The following ABL2 variants were observed in gnomAD, a reference collection of about 807,000 sequenced individuals.
ABL2 encodes tyrosine-protein kinase ABL2.
A neutral mutation model predicts 107.7 loss-of-function variants in ABL2; 49 were observed. The observed-to-expected ratio is 0.45, with a 90% CI of 0.36 to 0.58. The LOEUF (loss-of-function observed/expected upper bound fraction) is 0.58. ABL2 is among the 20% of genes least tolerant of loss of function. ABL2 has a pLI of 0.00. For missense variants in ABL2, 1,245 were observed against 1,457.0 expected (o/e 0.85, Z 2.37); for synonymous variants, 549 against 548.6 (o/e 1.00, Z -0.01).
chr1:179,214,543 T>C (rs1662458178), intron 1 of ABL2, among the ~76,000 whole-genome samples: 1 of 146,080 alleles, frequency 6.8e-6, no homozygotes, highest in South Asian at 2.1e-4. Context: ...TATATATATA[T>C]ATATATATGA....
intron 1 of ABL2, among the ~76,000 whole-genome samples, chr1:179,223,344 T>C (rs544954176): frequency 2.2e-4 from 33 of 151,318 alleles, no homozygotes; most frequent in African/African-American, 7.0e-4. Context: ...AGCCAGGAGT[T>C]TGAGGCTGCA....
chr1:179,143,763 C>G (rs1657793701), intron 1 of ABL2, among the ~76,000 whole-genome samples: 1 of 152,212 alleles, frequency 6.6e-6, no homozygotes, highest in South Asian at 2.1e-4. Context: ...GTGGCGCGAT[C>G]TCGGCTCACT....
rs1653553976 is a variant in ABL2 at position 179,107,599 on chromosome 1, T to C, written c.*119A>G. On this transcript the variant is annotated 3_prime_UTR_variant, in exon 12 of 12. Coordinates refer to ENST00000502732, the MANE Select transcript of ABL2 (RefSeq NM_007314.4). ...GTGAGAACTCAGGGATCTGAGGTACTTCACATAAACACACTCAAGTATGAG... is the reference window on the plus strand; with the variant it reads ...GTGAGAACTCAGGGATCTGAGGTACCTCACATAAACACACTCAAGTATGAG... 3 of 1,495,918 alleles carry C rather than the reference T, an allele frequency of 2.0e-6. No individual in the cohort carries two copies. The highest frequency in any genetic ancestry group is 8.9e-7 in the Non-Finnish European group (1 of 1,126,224). The allele number at this position is 1,495,918 out of a possible 1,614,324, so 92.7% of individuals were successfully genotyped here.
chr1:179,125,596 C>T (rs1427552639), intron 4 of ABL2, among the ~76,000 whole-genome samples: 2 of 152,136 alleles, frequency 1.3e-5, no homozygotes, highest in Admixed American at 6.6e-5. Context: ...TAAAAATTTA[C>T]TTATTTTCTA....
intron 1 of ABL2, among the ~76,000 whole-genome samples, chr1:179,142,368 T>C (rs1220968990): frequency 2.0e-5 from 3 of 152,176 alleles, no homozygotes; most frequent in South Asian, 2.1e-4. Flanking sequence ...ATTATCATGA[T>C]TGAAAAAGTT....
chr1:179,171,515 C>A (rs114921739), intron 1 of ABL2, among the ~76,000 whole-genome samples: 1 of 152,224 alleles, frequency 6.6e-6, no homozygotes, highest in Non-Finnish European at 1.5e-5. Context: ...CTTTTAAAGA[C>A]ACAGGGTCTC....
rs1361469758 is a variant in ABL2, at chr1:179,162,438, A to G, written c.158-29064T>C. ...CTTCTCTACTAAAAATACAAAAATT[A>G]GCCGGGCATGGTGGTACACGTCTGT... is the stretch of plus-strand genomic sequence containing the variant. On this transcript the variant is annotated intron_variant, in intron 1 of 11. Transcript: ENST00000502732. 3.3e-5 allele frequency among the ~76,000 whole-genome samples: 5 copies of G among 152,090 alleles called. No individual in the cohort carries two copies. In the East Asian group the frequency reaches 9.6e-4, roughly 29 times the overall value.
intron 1 of ABL2, among the ~76,000 whole-genome samples, chr1:179,181,321 A>G (rs1192480545): frequency 1.3e-5 from 2 of 152,230 alleles, no homozygotes; most frequent in Non-Finnish European, 1.5e-5. Flanking sequence ...ATATTTGTCA[A>G]AAGTTTCAAC....
intron 1 of ABL2, among the ~76,000 whole-genome samples, chr1:179,216,625 A>G (rs1662575661): frequency 6.6e-6 from 1 of 152,232 alleles, no homozygotes; most frequent in Non-Finnish European, 1.5e-5. Context: ...AAATTTTTTA[A>G]AAATTCTCCT....
At chr1:179,224,900 C>T (rs1212736548) in intron 1 of ABL2, among the ~76,000 whole-genome samples, 2 of 151,268 alleles carry the variant, frequency 1.3e-5, no homozygotes, top group African/African-American at 4.9e-5. Flanking sequence ...ATGGCGTGTG[C>T]CTGTAGTCTC....
rs1313396341 is a variant in ABL2 at position 179,121,671 on chromosome 1, C to T, written c.884G>A (p.Gly295Glu). 1 of 1,614,034 alleles carries T rather than the reference C, an allele frequency of 6.2e-7. No individual in the cohort carries two copies. Among genetic ancestry groups the T allele is most frequent in the Non-Finnish European group, 8.5e-7 (1 of 1,180,044 alleles). Residue 295 changes from glycine to glutamate, a missense_variant, in exon 5 of 12, where the codon GGG becomes GAG. Gly to Glu is a moderately conservative substitution (Grantham distance 98). This residue lies in a region of ABL2 where 320 missense variants were observed against 547.0 expected (regional missense o/e 0.59). Transcript: ENST00000502732. ...RTDITMKHKL[G>E]GGQYGEVYVG... is the part of the protein sequence containing the mutation. ...GTAAACCTCTCCATACTGACCGCCCCCAAGTTTGTGCTTCATGGTAATATC... is the reference window on the plus strand; with the variant it reads ...GTAAACCTCTCCATACTGACCGCCCTCAAGTTTGTGCTTCATGGTAATATC...
intron 1 of ABL2, among the ~76,000 whole-genome samples, chr1:179,134,062 A>G (rs1335652811): frequency 1.3e-5 from 2 of 152,324 alleles, no homozygotes; most frequent in East Asian, 3.9e-4. Context: ...TTAATAATAC[A>G]TTCTACGTAT....
chr1:179,208,404 T>C (rs953082508), intron 1 of ABL2, among the ~76,000 whole-genome samples: 2 of 152,168 alleles, frequency 1.3e-5, no homozygotes, highest in African/African-American at 2.4e-5. Flanking sequence ...CACAGGGTAT[T>C]TGGTTTTCTG....
At chr1:179,152,005 CAGATAAAGGAAG>C (rs1658390145) in intron 1 of ABL2, among the ~76,000 whole-genome samples, 2 of 152,052 alleles carry the variant, frequency 1.3e-5, no homozygotes, top group Non-Finnish European at 2.9e-5. Context: ...TCTTCTATTA[CAGATAAAGGAAG>C]AGCACATTTT....
chr1:179,149,227 C>G (rs1186229318), intron 1 of ABL2, among the ~76,000 whole-genome samples: 1 of 152,212 alleles, frequency 6.6e-6, no homozygotes, highest in Non-Finnish European at 1.5e-5. Context: ...CCATAACATT[C>G]CCTTAAACCA....
At position 179,229,452 on chromosome 1, in the gene ABL2, G is replaced by C. The variant is rs1435839075; in HGVS notation, c.-55C>G. 9.1e-6 allele frequency: 13 copies of C among 1,432,892 alleles called. 1 individual carries two copies. In the South Asian group the frequency reaches 1.3e-4, roughly 15 times the overall value. The allele number at this position is 1,432,892 out of a possible 1,614,324, so 88.8% of individuals were successfully genotyped here. ...CCGACCCCTGGTCACATTCCTCCTC[G>C]GCTCCGGCCTCGGGCTCCTGGCGCT... On this transcript the variant is annotated 5_prime_UTR_variant, in exon 1 of 12. Transcript: ENST00000502732.
intron 1 of ABL2, among the ~76,000 whole-genome samples, chr1:179,135,415 C>T (rs536164286): frequency 7.3e-5 from 11 of 151,444 alleles, no homozygotes; most frequent in Admixed American, 4.6e-4. Flanking sequence ...CGTCTCTGCC[C>T]GGCCGCCCCG....
chr1:179,153,695 T>G (rs28914502), intron 1 of ABL2, among the ~76,000 whole-genome samples: 1 of 152,094 alleles, frequency 6.6e-6, no homozygotes, highest in Admixed American at 6.6e-5. Flanking sequence ...CAACTTTATT[T>G]TTGCTATGAG....
chr1:179,105,661 C>T lies in ABL2; in HGVS notation c.*2057G>A, dbSNP rs12072619. 1.1e-3 allele frequency: 259 copies of T among 226,714 alleles called. 2 individuals are homozygous for T. The highest frequency in any genetic ancestry group is 5.2e-3 in the African/African-American group (236 of 45,088). The allele number at this position is 226,714 out of a possible 1,614,324, so 14.0% of individuals were successfully genotyped here. On this transcript the variant is annotated 3_prime_UTR_variant, in exon 12 of 12. Transcript: ENST00000502732. The stretch of plus-strand genomic sequence containing the variant: ...CACCTGCCAGGAATGCCCAGCACCG[C>T]GTGTCTCCTCTAATCCTCTTAACCT...
Sources: gnomAD v4.1 joint callset for allele counts (sites outside exome capture counted in the v4.1 genomes callset) on GRCh38, gnomAD v4.1.1 for gene constraint, gnomAD v4.1.1 regional missense constraint, MANE v1.5 for transcripts, NCBI Gene and HGNC (gene_info 2026-07-23, HGNC 2026-07-21) for gene names.